The following PAX2 variants were observed in gnomAD, a reference collection of about 807,000 sequenced individuals.
The protein encoded by PAX2 is paired box 2.
PAX2 carries 9 observed loss-of-function variants against 41.7 expected under a neutral mutation model. That is an observed-to-expected ratio of 0.22 (90% CI 0.13 to 0.38). The LOEUF is 0.38. Ranked by LOEUF, PAX2 falls within the 10% of genes least tolerant of loss-of-function variation. The probability of loss-of-function intolerance (pLI) is 1.00; values close to 1 mark genes in which losing one functional copy is unlikely to be tolerated. For synonymous variants in PAX2, 221 were observed against 212.7 expected (o/e 1.04, Z -0.34); for missense variants, 418 against 531.6 (o/e 0.79, Z 2.10).
rs74729230 is a variant in PAX2 at position 100,827,718 on chromosome 10, C to T, written c.*99C>T. 8.8e-3 allele frequency: 14,125 copies of T among 1,603,218 alleles called. 211 individuals carry two copies. The highest frequency in any genetic ancestry group is 0.066 in the African/African-American group (4,921 of 74,826). ...GGAGGGAGGGAGGACCGACGCGACG[C>T]GATGCCTCCCGGCCACCGCCCCAGC... On this transcript the variant is annotated 3_prime_UTR_variant, in exon 10 of 10. Coordinates refer to ENST00000355243, the MANE Select transcript of PAX2 (RefSeq NM_000278.5). The surrounding 1 kb of genome is among the most constrained non-coding windows in gnomAD (Gnocchi z 8.5).
chr10:100,816,934 G>T (rs75244671), intron 7 of PAX2, among the ~76,000 whole-genome samples: 12 of 152,268 alleles, frequency 7.9e-5, no homozygotes, highest in African/African-American at 2.6e-4. Flanking sequence ...TACACAGAGC[G>T]CCTGAAAAAC....
Position 100,756,240 on chromosome 10 carries a change from T to TTCCCAG in PAX2, c.410+5352_410+5357dup, listed in dbSNP as rs202005870. Among the ~76,000 whole-genome samples, 928 of 152,296 alleles carry TTCCCAG rather than the reference T, an allele frequency of 6.1e-3. 52 individuals carry two copies. The highest frequency in any genetic ancestry group is 0.055 in the Admixed American group (846 of 15,284). On this transcript the variant is annotated intron_variant, in intron 3 of 9. Coordinates refer to ENST00000355243, the MANE Select transcript of PAX2 (RefSeq NM_000278.5). ...AGCCCACATGGGATAGGGGTCCTGC[T>TTCCCAG]TCCCAGTCTTCTTAGCAGGACTGAT... is the stretch of plus-strand genomic sequence containing the variant.
At chr10:100,766,353 C>A (rs1476501476) in intron 3 of PAX2, among the ~76,000 whole-genome samples, 5 of 152,204 alleles carry the variant, frequency 3.3e-5, no homozygotes, top group Non-Finnish European at 7.3e-5. Flanking sequence ...TCAGTGCAGG[C>A]CACTGCTGAG....
intron 7 of PAX2, among the ~76,000 whole-genome samples, chr10:100,820,211 T>G (rs1043368598): frequency 1.3e-5 from 2 of 152,242 alleles, no homozygotes; most frequent in Non-Finnish European, 2.9e-5. Flanking sequence ...GTTTGTCAGA[T>G]GACTTCTTTT....
chr10:100,735,399 C>A (rs1322423181), exon 1 of PAX2, among the ~76,000 whole-genome samples: 1 of 152,194 alleles, frequency 6.6e-6, no homozygotes, highest in Non-Finnish European at 1.5e-5. Flanking sequence ...GCGCCTCAGG[C>A]AGCGAGGGTG....
At chr10:100,742,901 AC>A (rs1360314394), upstream of PAX2, among the ~76,000 whole-genome samples, 2 of 82,632 alleles carry the variant, frequency 2.4e-5, no homozygotes, top group Non-Finnish European at 4.4e-5. Context: ...GCTTCCCCCC[AC>A]CCCTCTACTA....
intron 7 of PAX2, among the ~76,000 whole-genome samples, chr10:100,820,290 G>C (rs1378418161): frequency 6.6e-6 from 1 of 152,154 alleles, no homozygotes; most frequent in Non-Finnish European, 1.5e-5. Flanking sequence ...TATAAACATG[G>C]CTTCAAATTT....
In PAX2 at chr10:100,746,204, A is replaced by G; in HGVS notation, c.-57A>G. 1 of 1,557,562 alleles carries G rather than the reference A, an allele frequency of 6.4e-7. No individual in the cohort carries two copies. Among genetic ancestry groups the G allele is most frequent in the East Asian group, 2.4e-5 (1 of 41,118 alleles). Reference sequence around the variant, plus strand: ...CTTTTCTCCTCAAGTCCTGAAGTTGAGTTTGAGAGGCGACACGGCGGCGGC... The same window carrying G: ...CTTTTCTCCTCAAGTCCTGAAGTTGGGTTTGAGAGGCGACACGGCGGCGGC... On this transcript the variant is annotated 5_prime_UTR_variant, in exon 1 of 10. Transcript: ENST00000355243.
chr10:100,774,473 G>A (rs7910272), intron 3 of PAX2, among the ~76,000 whole-genome samples: 3,860 of 151,954 alleles, frequency 0.025, 171 homozygotes, highest in African/African-American at 0.084. Context: ...AGATGTCGCC[G>A]CCGCCACTGC....
chr10:100,772,402 C>A (rs1036074409), intron 3 of PAX2, among the ~76,000 whole-genome samples: 1 of 152,240 alleles, frequency 6.6e-6, no homozygotes, highest in Non-Finnish European at 1.5e-5. Flanking sequence ...GATCCACCTG[C>A]CTCAGCCTCC....
At chr10:100,774,213 CT>C (rs575887827) in intron 3 of PAX2, among the ~76,000 whole-genome samples, 137 of 152,310 alleles carry the variant, frequency 9.0e-4, no homozygotes, top group African/African-American at 3.2e-3. Context: ...TCATGCAGGG[CT>C]TTCATTCTTA....
intron 5 of PAX2, among the ~76,000 whole-genome samples, chr10:100,804,528 T>C (rs1022587022): frequency 2.2e-4 from 34 of 152,004 alleles, no homozygotes; most frequent in Admixed American, 5.9e-4. Context: ...TCAAACACAA[T>C]AGGACACGCA....
At chr10:100,820,609 C>T (rs1052109857) in intron 7 of PAX2, among the ~76,000 whole-genome samples, 1 of 152,194 alleles carries the variant, frequency 6.6e-6, no homozygotes, top group South Asian at 2.1e-4. Context: ...GTCCCAGCTA[C>T]AGGCTAAGGC....
chr10:100,739,498 G>A (rs549416478), intron 1 of PAX2, among the ~76,000 whole-genome samples: 39 of 152,296 alleles, frequency 2.6e-4, no homozygotes, highest in African/African-American at 8.9e-4. Context: ...CGCAACTCTG[G>A]GAAACTCAGC....
intron 3 of PAX2, among the ~76,000 whole-genome samples, chr10:100,774,081 T>G (rs1278656343): frequency 6.6e-6 from 1 of 151,824 alleles, no homozygotes; most frequent in East Asian, 1.9e-4. Context: ...GAGAAAAGAA[T>G]GGGGAAGGAG....
upstream of PAX2, among the ~76,000 whole-genome samples, chr10:100,741,612 A>C (rs898488790): frequency 5.9e-5 from 9 of 152,142 alleles, no homozygotes; most frequent in African/African-American, 9.7e-5. Context: ...GCCGGGACCC[A>C]GAGGGCGAGT....
At chr10:100,803,873 G>A (rs1047716966) in intron 5 of PAX2, among the ~76,000 whole-genome samples, 2 of 151,792 alleles carry the variant, frequency 1.3e-5, no homozygotes, top group East Asian at 3.9e-4. Flanking sequence ...TTACCACCAG[G>A]GCCTGAGTAT....
chr10:100,829,347 G>C lies in PAX2; in HGVS notation c.*1728G>C, dbSNP rs1589914605. The C allele has an allele frequency of 4.5e-6, 1 of 219,936 alleles. No individual in the cohort carries two copies. The allele number at this position is 219,936 out of a possible 1,614,324, so 13.6% of individuals were successfully genotyped here. On this transcript the variant is annotated 3_prime_UTR_variant, in exon 10 of 10. Coordinates refer to ENST00000355243, the MANE Select transcript of PAX2 (RefSeq NM_000278.5). ...GGCCTCTCTCCCCAGACCTGGCCCG[G>C]CCGCCCTGTCTCCGCAGGCTAGATC...
chr10:100,751,089 G>T (rs935834209), intron 3 of PAX2, among the ~76,000 whole-genome samples, 198 bp downstream of exon 3: 1 of 152,140 alleles, frequency 6.6e-6, no homozygotes, highest in African/African-American at 2.4e-5. Context: ...TGCAGTTCAG[G>T]GCTGGGTATT....
Sources: allele counts gnomAD v4.1 joint callset (sites outside exome capture counted in the v4.1 genomes callset), GRCh38; gene constraint gnomAD v4.1.1; non-coding constraint Gnocchi (gnomAD v3.1); transcripts MANE v1.5; gene names NCBI Gene and HGNC (gene_info 2026-07-23, HGNC 2026-07-21).